HDLBP: variants seen among roughly 807,000 people sequenced by gnomAD.
HDLBP encodes high density lipoprotein binding protein, also known as vigilin.
A neutral mutation model predicts 137.3 loss-of-function variants in HDLBP; 30 were observed. That is an observed-to-expected ratio of 0.22 (90% confidence interval 0.16 to 0.30). HDLBP has a LOEUF of 0.30. HDLBP is among the 10% of genes least tolerant of loss of function. The pLI is 1.00. For synonymous variants in HDLBP, 606 were observed against 596.0 expected, an observed-to-expected ratio of 1.02 and a Z score of -0.24; for missense variants, 1,119 against 1,667.3, an observed-to-expected ratio of 0.67 and a Z score of 5.73.
chr2:241,283,492 TGA>T (rs1205377900), intron 1 of HDLBP, among the ~76,000 whole-genome samples: 1 of 151,886 alleles, frequency 6.6e-6, no homozygotes, highest in Non-Finnish European at 1.5e-5. Context: ...TTTTTTTTCT[TGA>T]GACAGAGTCT....
chr2:241,294,725 A>G (rs935742302), intron 1 of HDLBP, among the ~76,000 whole-genome samples: 2 of 152,252 alleles, frequency 1.3e-5, no homozygotes, highest in Non-Finnish European at 2.9e-5. Context: ...CACTAAATTT[A>G]GAGAACAAGA....
intron 1 of HDLBP, among the ~76,000 whole-genome samples, chr2:241,296,270 G>C (rs2075179377): frequency 6.6e-6 from 1 of 152,148 alleles, no homozygotes; most frequent in Non-Finnish European, 1.5e-5. Flanking sequence ...TTTCAAATCA[G>C]CAAGGAATTG....
intron 1 of HDLBP, among the ~76,000 whole-genome samples, chr2:241,297,561 T>C (rs1477354530): frequency 6.6e-6 from 1 of 152,140 alleles, no homozygotes; most frequent in Non-Finnish European, 1.5e-5. Context: ...CTCTGTTGAC[T>C]GAGAGGGCCT....
chr2:241,282,884 C>T (rs1469910934), intron 1 of HDLBP, among the ~76,000 whole-genome samples: 1 of 152,110 alleles, frequency 6.6e-6, no homozygotes, highest in South Asian at 2.1e-4. Flanking sequence ...ACAATTGCTT[C>T]TAAGTGTTCA....
In HDLBP at chr2:241,268,471, A is replaced by T. The variant is rs2149554743; in HGVS notation, c.-38+6T>A. 1.0e-6 allele frequency: 1 copy of T among 985,942 alleles called. No homozygotes were observed. The highest frequency in any genetic ancestry group is 1.1e-4 in the East Asian group (1 of 8,818). The allele number at this position is 985,942 out of a possible 1,614,324, so 61.1% of individuals were successfully genotyped here. On this transcript the variant is annotated splice_donor_region_variant and intron_variant, in intron 2 of 27. Coordinates refer to ENST00000310931, the MANE Select transcript of HDLBP (RefSeq NM_005336.6). ...ACAGGAAGTCTTCAGACAGGGTCAAACTTACCAGCAAAACGGTCAGTAGCC... is the reference window on the plus strand; with the variant it reads ...ACAGGAAGTCTTCAGACAGGGTCAATCTTACCAGCAAAACGGTCAGTAGCC...
chr2:241,247,519 C>T, intron 14 of HDLBP: 1 of 287,844 alleles, frequency 3.5e-6, no homozygotes. Flanking sequence ...ACCATCGCCT[C>T]TCCCAGGGCA....
intron 1 of HDLBP, among the ~76,000 whole-genome samples, chr2:241,285,474 C>G (rs887596956): frequency 2.0e-5 from 3 of 152,086 alleles, no homozygotes; most frequent in African/African-American, 7.2e-5. Context: ...GATGAATGAC[C>G]AAGTCTCCAC....
chr2:241,242,929 C>T (rs2071385580), intron 16 of HDLBP: 2 of 542,252 alleles, frequency 3.7e-6, no homozygotes, highest in Admixed American at 6.2e-5. Flanking sequence ...CTCAACAGGA[C>T]CCAGAGTCCT....
chr2:241,236,901 T>C (rs1416982594), intron 20 of HDLBP, 132 bp from the exon 21 acceptor site: 3 of 813,680 alleles, frequency 3.7e-6, no homozygotes, highest in Non-Finnish European at 5.7e-6. Context: ...ACTCCTGTCC[T>C]TCAGGAGGTC....
At chr2:241,305,891 G>C (rs905518730) in intron 1 of HDLBP, among the ~76,000 whole-genome samples, 1 of 151,302 alleles carries the variant, frequency 6.6e-6, no homozygotes, top group African/African-American at 2.4e-5. Flanking sequence ...CTCCCGAGTA[G>C]CTGGGACTAC....
intron 12 of HDLBP, chr2:241,249,302 C>G: frequency 2.1e-6 from 1 of 470,934 alleles, no homozygotes; most frequent in South Asian, 1.5e-5. Flanking sequence ...CAGTATTTGA[C>G]TTCTCTGGAT....
At chr2:241,229,784 G>GGGGGCCCCCCCCCCC in intron 27 of HDLBP, 49 bp downstream of exon 27, 2 of 1,502,548 alleles carry the variant, frequency 1.3e-6, no homozygotes, top group Non-Finnish European at 1.8e-6. Context: ...AAGCCCGCCT[G>GGGGGCCCCCCCCCCC]CCCGCCCACC....
chr2:241,271,695 C>CTTT (rs1291284029), intron 1 of HDLBP, among the ~76,000 whole-genome samples: 1 of 151,922 alleles, frequency 6.6e-6, no homozygotes, highest in African/African-American at 2.4e-5. Context: ...CCCGCAAGTG[C>CTTT]TTTAAAGCAC....
chr2:241,290,914 A>G (rs1405063626), intron 1 of HDLBP, among the ~76,000 whole-genome samples: 2 of 152,242 alleles, frequency 1.3e-5, no homozygotes, highest in African/African-American at 4.8e-5. Context: ...CTGTAAGAAT[A>G]TATTGTATGA....
In HDLBP at chr2:241,272,690, C is replaced by G; in HGVS notation, c.-102-4149G>C. ...CCACGTCAGCAGCCACCCCCCACCC[C>G]CCCGCCCGGCAGCCCGCCCGCCCCG... On this transcript the variant is annotated intron_variant, in intron 1 of 27. Transcript: ENST00000310931. The surrounding 1 kb of genome is among the most constrained non-coding windows in gnomAD (Gnocchi z 5.6). 1 of 756,720 alleles carries G rather than the reference C, an allele frequency of 1.3e-6. No individual in the cohort carries two copies. Among genetic ancestry groups the G allele is most frequent in the Non-Finnish European group, 1.6e-6 (1 of 625,994 alleles). 46.9% of individuals were successfully genotyped at this position (756,720 alleles called of 1,614,324 possible).
At chr2:241,285,547 G>A (rs1005148738) in intron 1 of HDLBP, among the ~76,000 whole-genome samples, 2 of 152,128 alleles carry the variant, frequency 1.3e-5, no homozygotes, top group African/African-American at 2.4e-5. Flanking sequence ...CCTGAACACC[G>A]ATCCCCACCA....
rs187326177 is a variant in HDLBP at position 241,295,993 on chromosome 2, G to A, written c.-103+19577C>T. 3.3e-5 allele frequency among the ~76,000 whole-genome samples: 5 copies of A among 151,918 alleles called. No homozygotes were observed. The East Asian group carries it at 5.8e-4, about 18-fold the overall frequency. ...CACCAAATGTGTGGTAATTTGTTAC[G>A]GCAGCCCTGGGAAAGTAACACAACA... On this transcript the variant is annotated intron_variant, in intron 1 of 27. Transcript: ENST00000310931.
At position 241,272,914 on chromosome 2, in the gene HDLBP, C is replaced by A. The variant is rs893248197; in HGVS notation, c.-102-4373G>T. The A allele has an allele frequency of 3.0e-6, 2 of 673,262 alleles. No homozygotes were observed. Among genetic ancestry groups the A allele is most frequent in the South Asian group, 1.3e-4 (2 of 15,464 alleles). The allele number at this position is 673,262 out of a possible 1,614,324, so 41.7% of individuals were successfully genotyped here. ...ACACGTCAGCGCCCGCCCGCCCCGC[C>A]GCTGGGGTCCCCGCCGCCCCGGGCC... is the stretch of plus-strand genomic sequence containing the variant. On this transcript the variant is annotated intron_variant, in intron 1 of 27. Transcript: ENST00000310931. This position sits in a 1 kb window ranked among gnomAD's most constrained non-coding sequence, Gnocchi z 5.6.
At position 241,309,421 on chromosome 2, in the gene HDLBP, C is replaced by G. The variant is rs79184514; in HGVS notation, c.-103+6149G>C. Among the ~76,000 whole-genome samples the G allele has an allele frequency of 0.012, 1,821 of 152,146 alleles. 127 individuals carry two copies. The East Asian group carries it at 0.17, about 14-fold the overall frequency. ...CTAAAATGATAGTAAACGATTTTTT[C>G]TTTTTTTAAGATACAAATCACGAAA... On this transcript the variant is annotated intron_variant, in intron 1 of 27. Transcript: ENST00000310931.
Sources: gnomAD v4.1 joint callset for allele counts (sites outside exome capture counted in the v4.1 genomes callset) on GRCh38, gnomAD v4.1.1 for gene constraint, Gnocchi (gnomAD v3.1) non-coding constraint, MANE v1.5 for transcripts, NCBI Gene and HGNC (gene_info 2026-07-23, HGNC 2026-07-21) for gene names.